Variants in ACACA observed in about 807,000 individuals in gnomAD.
ACACA encodes acetyl-CoA carboxylase 1.
A neutral mutation model predicts 296.1 loss-of-function variants in ACACA; 103 were observed. The ratio of observed to expected loss-of-function variants is 0.35; its 90% CI spans 0.30 to 0.41. ACACA has a LOEUF of 0.41. ACACA is among the 10% of genes least tolerant of loss of function. The probability of loss-of-function intolerance (pLI) is 1.00; values close to 1 mark genes in which losing one functional copy is unlikely to be tolerated. For synonymous variants in ACACA, 953 were observed against 1,038.6 expected (o/e 0.92, Z 1.58); for missense variants, 1,554 against 2,989.7 (o/e 0.52, Z 11.20).
chr17:37,299,408 G>A, intron 3 of ACACA: 1 of 1,610,760 alleles, frequency 6.2e-7, no homozygotes, highest in Non-Finnish European at 8.5e-7. Flanking sequence ...TCCTCCTCCT[G>A]TTGCAGCTGC....
chr17:37,255,080 GAC>G (rs1334321126), intron 14 of ACACA, among the ~76,000 whole-genome samples: 1 of 151,026 alleles, frequency 6.6e-6, no homozygotes, highest in Non-Finnish European at 1.5e-5. Context: ...CAGCTTGGGC[GAC>G]AGAGCAAGAC....
At chr17:37,191,399 A>G (rs1205290429) in intron 37 of ACACA, 124 bp from the exon 38 acceptor site, 2 of 1,013,858 alleles carry the variant, frequency 2.0e-6, no homozygotes, top group Non-Finnish European at 3.0e-6. Flanking sequence ...GAGATTGTTT[A>G]TCTTTCTCCC....
chr17:37,100,695 G>A (rs1405261662), intron 52 of ACACA, among the ~76,000 whole-genome samples: 4 of 151,762 alleles, frequency 2.6e-5, no homozygotes, highest in African/African-American at 9.7e-5. Context: ...ATGAATCATG[G>A]ATTAGACAGT....
At chr17:37,191,860 ATTTT>A (rs531631691) in intron 37 of ACACA, among the ~76,000 whole-genome samples, 61 of 144,586 alleles carry the variant, frequency 4.2e-4, no homozygotes, top group African/African-American at 1.5e-3. Flanking sequence ...TTCATTTTTT[ATTTT>A]TTTTCAGATG....
intron 2 of ACACA, 134 bp downstream of exon 2, chr17:37,339,670 G>A: frequency 1.6e-6 from 1 of 643,664 alleles, no homozygotes; most frequent in Non-Finnish European, 2.8e-6. Flanking sequence ...GTTCACTTCA[G>A]GTTATCCACC....
At chr17:37,382,637 G>A (rs752736819) in intron 1 of ACACA, among the ~76,000 whole-genome samples, 13 of 152,128 alleles carry the variant, frequency 8.5e-5, no homozygotes, top group African/African-American at 1.2e-4. Flanking sequence ...CGAGGCAGGC[G>A]GATCATGAGG....
chr17:37,243,054 G>C (rs969046044), intron 22 of ACACA, among the ~76,000 whole-genome samples: 21 of 152,186 alleles, frequency 1.4e-4, no homozygotes, highest in Admixed American at 5.9e-4. Flanking sequence ...GTGAATGAAT[G>C]AATCAATCAA....
At chr17:37,265,668 A>C (rs1009253214) in intron 10 of ACACA, among the ~76,000 whole-genome samples, 11 of 152,190 alleles carry the variant, frequency 7.2e-5, no homozygotes, top group Admixed American at 5.2e-4. Flanking sequence ...AGATAGGTAC[A>C]TGCTGTCAGA....
chr17:37,319,253 C>T (rs1193052355), intron 3 of ACACA, among the ~76,000 whole-genome samples: 1 of 151,670 alleles, frequency 6.6e-6, no homozygotes, highest in East Asian at 1.9e-4. Context: ...TTTCAGGTTC[C>T]TTGGAGAAAT....
chr17:37,117,938 C>T (rs758362518), intron 50 of ACACA, among the ~76,000 whole-genome samples: 27 of 152,206 alleles, frequency 1.8e-4, no homozygotes, highest in South Asian at 8.3e-4. Flanking sequence ...TGAGGGATGG[C>T]ATAATTGTTT....
chr17:37,268,747 A>ATCTATCTATC (rs1188724070), intron 10 of ACACA, among the ~76,000 whole-genome samples: 1 of 141,554 alleles, frequency 7.1e-6, no homozygotes, highest in Non-Finnish European at 1.5e-5. Context: ...CTATCTATAT[A>ATCTATCTATC]TATATATATA....
At chr17:37,206,312 A>G (rs999954651) in intron 32 of ACACA, among the ~76,000 whole-genome samples, 1 of 152,240 alleles carries the variant, frequency 6.6e-6, no homozygotes, top group African/African-American at 2.4e-5. Context: ...AAAAAATAAC[A>G]TCATAGAGAA....
Position 37,240,584 on chromosome 17 carries a change from C to T in ACACA, c.3033-20G>A, listed in dbSNP as rs1184103084. On this transcript the variant is annotated intron_variant, in intron 23 of 55. Coordinates refer to ENST00000616317, the MANE Select transcript of ACACA (RefSeq NM_198834.3). ...CGGTACCTAGGCAAATAGAAAGTCT[C>T]CACTGAAAAACCTGACAATCCAACA... The T allele has an allele frequency of 6.2e-7, 1 of 1,604,138 alleles. No individual in the cohort carries two copies. The highest frequency in any genetic ancestry group is 1.1e-5 in the South Asian group (1 of 90,038).
chr17:37,393,722 A>G (rs2050976393), intron 1 of ACACA, among the ~76,000 whole-genome samples: 1 of 151,912 alleles, frequency 6.6e-6, no homozygotes, highest in Non-Finnish European at 1.5e-5. Context: ...CGCACCTGTA[A>G]TCTCAGCTAC....
Position 37,113,024 on chromosome 17 carries a change from A to T in ACACA, c.6452+64T>A. 1 of 1,593,116 alleles carries T rather than the reference A, an allele frequency of 6.3e-7. No homozygotes were observed. On this transcript the variant is annotated intron_variant, in intron 51 of 55. Transcript: ENST00000616317. The surrounding 1 kb of genome is among the most constrained non-coding windows in gnomAD (Gnocchi z 4.0). ...TAGTGCCATGGCTGTAACATTCTCC[A>T]GGAGGAAACCAACAGCTACAGGGTC...
intron 48 of ACACA, among the ~76,000 whole-genome samples, chr17:37,123,417 C>T (rs1442718042): frequency 1.3e-5 from 2 of 152,156 alleles, no homozygotes; most frequent in African/African-American, 4.8e-5. Flanking sequence ...ATTTGGTCCT[C>T]ATAAAGATTT....
chr17:37,197,669 A>G (rs1487977574), intron 35 of ACACA, among the ~76,000 whole-genome samples: 9 of 152,186 alleles, frequency 5.9e-5, no homozygotes, highest in Non-Finnish European at 4.4e-5. Flanking sequence ...TGACCCCCAG[A>G]TTTGTACAGT....
At chr17:37,391,858 G>A in intron 1 of ACACA, 1 of 836,252 alleles carries the variant, frequency 1.2e-6, no homozygotes, top group Non-Finnish European at 2.0e-6. Flanking sequence ...CCTGGTTAAT[G>A]AAGGGAGAGT....
At chr17:37,288,342 A>C (rs1230649009) in intron 3 of ACACA, among the ~76,000 whole-genome samples, 1 of 152,184 alleles carries the variant, frequency 6.6e-6, no homozygotes, top group Non-Finnish European at 1.5e-5. Flanking sequence ...TCAGTGTATC[A>C]GACTGAGCAA....
Sources: gnomAD v4.1 joint callset for allele counts (sites outside exome capture counted in the v4.1 genomes callset) on GRCh38, gnomAD v4.1.1 for gene constraint, Gnocchi (gnomAD v3.1) non-coding constraint, MANE v1.5 for transcripts, NCBI Gene and HGNC (gene_info 2026-07-23, HGNC 2026-07-21) for gene names.